The following PTPRN2 variants were observed in gnomAD, a reference collection of about 807,000 sequenced individuals.
The protein encoded by PTPRN2 is protein tyrosine phosphatase receptor type N2.
In PTPRN2, 74 loss-of-function variants were observed where a neutral mutation model predicts 118.8. The ratio of observed to expected loss-of-function variants is 0.62; its 90% CI spans 0.52 to 0.76. The LOEUF (loss-of-function observed/expected upper bound fraction) is 0.76, where lower values mean the gene tolerates loss of function less well. PTPRN2 is among the 30% of genes least tolerant of loss of function. The pLI is 0.00. For missense variants in PTPRN2, 1,481 were observed against 1,394.4 expected, an observed-to-expected ratio of 1.06 and a Z score of -0.99; for synonymous variants, 641 against 608.0, an observed-to-expected ratio of 1.05 and a Z score of -0.80.
At chr7:158,421,158 C>T (rs1464844457) in intron 2 of PTPRN2, among the ~76,000 whole-genome samples, 1 of 152,174 alleles carries the variant, frequency 6.6e-6, no homozygotes, top group Non-Finnish European at 1.5e-5. Context: ...CAGCCGCACC[C>T]CTTGTTGCTC....
At chr7:158,241,930 C>T (rs890636101) in intron 3 of PTPRN2, among the ~76,000 whole-genome samples, 1 of 152,188 alleles carries the variant, frequency 6.6e-6, no homozygotes, top group African/African-American at 2.4e-5. Flanking sequence ...TCTGAAACCC[C>T]CTCAGGCCCA....
chr7:158,079,847 C>T (rs1017455095), intron 11 of PTPRN2, among the ~76,000 whole-genome samples: 2 of 152,162 alleles, frequency 1.3e-5, no homozygotes, highest in African/African-American at 4.8e-5. Flanking sequence ...CCGCACTGGA[C>T]CGCCCAGCTG....
At chr7:158,395,150 A>G (rs924634617) in intron 2 of PTPRN2, among the ~76,000 whole-genome samples, 3 of 151,710 alleles carry the variant, frequency 2.0e-5, no homozygotes, top group Non-Finnish European at 2.9e-5. Flanking sequence ...AGGTTCACCC[A>G]CCTTCCAGGA....
intron 11 of PTPRN2, among the ~76,000 whole-genome samples, chr7:158,075,659 G>A (rs896911934): frequency 2.0e-5 from 3 of 152,350 alleles, no homozygotes; most frequent in African/African-American, 7.2e-5. Context: ...CTCATCGTCT[G>A]TGTCTGTGCC....
intron 21 of PTPRN2, among the ~76,000 whole-genome samples, chr7:157,558,429 GTCC>G (rs777666994): frequency 2.6e-5 from 4 of 152,334 alleles, no homozygotes; most frequent in Non-Finnish European, 5.9e-5. Flanking sequence ...ATGTGGCTAG[GTCC>G]TCAACACCTA....
chr7:158,369,005 C>T (rs939074654), intron 2 of PTPRN2, among the ~76,000 whole-genome samples: 2 of 152,122 alleles, frequency 1.3e-5, no homozygotes, highest in Non-Finnish European at 2.9e-5. Context: ...GACCCACCCT[C>T]AGTCTGGGTG....
chr7:157,886,215 C>T (rs1796437444), intron 12 of PTPRN2, among the ~76,000 whole-genome samples: 1 of 152,166 alleles, frequency 6.6e-6, no homozygotes, highest in African/African-American at 2.4e-5. Flanking sequence ...TTGCCTTCCA[C>T]TAAGACCCAG....
chr7:157,873,024 G>GA (rs1164262702), intron 12 of PTPRN2, among the ~76,000 whole-genome samples: 6 of 152,226 alleles, frequency 3.9e-5, no homozygotes, highest in African/African-American at 1.4e-4. Context: ...CCTGGCCATG[G>GA]AAAGTGGGAA....
chr7:157,589,474 G>C (rs1003504929), intron 17 of PTPRN2, among the ~76,000 whole-genome samples: 2 of 151,366 alleles, frequency 1.3e-5, no homozygotes, highest in Non-Finnish European at 2.9e-5. Flanking sequence ...CTAGAGAAAG[G>C]CTATCTGACA....
Position 157,709,978 on chromosome 7 carries a change from G to A in PTPRN2, c.1789-27041C>T, listed in dbSNP as rs551240027. ...CTTAGCCCTCAGCTGGGGGCAAACC[G>A]TGGATGCTGGAGAGAGGAGCGTGAG... On this transcript the variant is annotated intron_variant, in intron 12 of 22. Coordinates refer to ENST00000389418, the MANE Select transcript of PTPRN2 (RefSeq NM_002847.5). 1.8e-4 allele frequency among the ~76,000 whole-genome samples: 28 copies of A among 152,300 alleles called. No individual in the cohort carries two copies. The South Asian group carries it at 3.5e-3, about 19-fold the overall frequency.
chr7:158,548,560 A>T (rs1015962920), intron 1 of PTPRN2, among the ~76,000 whole-genome samples: 1 of 152,222 alleles, frequency 6.6e-6, no homozygotes, highest in Non-Finnish European at 1.5e-5. Context: ...CTCTGGCTGC[A>T]AGCACATTTC....
intron 2 of PTPRN2, among the ~76,000 whole-genome samples, chr7:158,327,546 A>G (rs964814216): frequency 2.7e-5 from 4 of 146,426 alleles, no homozygotes; most frequent in Non-Finnish European, 2.9e-5. Context: ...TGTACACACT[A>G]TCTGTTCTCA....
At chr7:157,749,336 C>T (rs1308740764) in intron 12 of PTPRN2, among the ~76,000 whole-genome samples, 1 of 135,778 alleles carries the variant, frequency 7.4e-6, no homozygotes, top group East Asian at 2.3e-4. Flanking sequence ...ATTCTGAGGC[C>T]TGCGTCCCTG....
chr7:158,486,485 A>G (rs1207746127), intron 2 of PTPRN2, among the ~76,000 whole-genome samples: 1 of 152,244 alleles, frequency 6.6e-6, no homozygotes, highest in Non-Finnish European at 1.5e-5. Flanking sequence ...TAGGATGCCC[A>G]TGTAACAGCA....
At chr7:157,557,002 T>G (rs1798927273) in intron 21 of PTPRN2, among the ~76,000 whole-genome samples, 1 of 148,878 alleles carries the variant, frequency 6.7e-6, no homozygotes, top group African/African-American at 2.5e-5. Flanking sequence ...CATATGCACA[T>G]GCATGCACAC....
At chr7:158,230,199 C>A (rs1216274558) in intron 3 of PTPRN2, among the ~76,000 whole-genome samples, 2 of 152,130 alleles carry the variant, frequency 1.3e-5, no homozygotes, top group African/African-American at 4.8e-5. Context: ...CTTACCCATA[C>A]AAACAAAAGC....
intron 1 of PTPRN2, among the ~76,000 whole-genome samples, chr7:158,493,280 C>T (rs1198074504): frequency 2.6e-5 from 4 of 152,272 alleles, no homozygotes; most frequent in Admixed American, 2.0e-4. Context: ...TATACATACA[C>T]ACATGCACAC....
At chr7:158,083,421 T>G (rs896195896) in intron 10 of PTPRN2, among the ~76,000 whole-genome samples, 1 of 152,168 alleles carries the variant, frequency 6.6e-6, no homozygotes, top group Non-Finnish European at 1.5e-5. Flanking sequence ...TCTGTGAAAC[T>G]GTAATCTCGA....
rs370916962 is a variant in PTPRN2 at position 158,223,696 on chromosome 7, AT to A, written c.278-18424del. Among the ~76,000 whole-genome samples the A allele has an allele frequency of 5.3e-4, 80 of 152,308 alleles. 1 individual carries two copies. The highest frequency in any genetic ancestry group is 1.7e-3 in the African/African-American group (71 of 41,590). ...ACAATAAACATCTACAAAACCCCAC[AT>A]TTCACTGTACTTAATGGTGAGTAAC... On this transcript the variant is annotated intron_variant, in intron 3 of 22. Coordinates refer to ENST00000389418, the MANE Select transcript of PTPRN2 (RefSeq NM_002847.5).
Sources: allele counts gnomAD v4.1 joint callset (sites outside exome capture counted in the v4.1 genomes callset), GRCh38; gene constraint gnomAD v4.1.1; transcripts MANE v1.5; gene names NCBI Gene and HGNC (gene_info 2026-07-23, HGNC 2026-07-21).